Variants in NR2C2 observed in about 807,000 individuals in gnomAD.
The protein encoded by NR2C2 is Nuclear hormone receptor TR4.
In NR2C2, 6 loss-of-function variants were observed where a neutral mutation model predicts 62.9. The ratio of observed to expected loss-of-function variants is 0.10; its 90% confidence interval spans 0.05 to 0.19. The LOEUF (loss-of-function observed/expected upper bound fraction) is 0.19. NR2C2 is among the 10% of genes least tolerant of loss of function. NR2C2 has a pLI of 1.00. For synonymous variants in NR2C2, 272 were observed against 273.8 expected, an observed-to-expected ratio of 0.99 and a Z score of 0.07; for missense variants, 479 against 762.7, an observed-to-expected ratio of 0.63 and a Z score of 4.38.
At chr3:14,968,993 G>A (rs546978723) in intron 1 of NR2C2, among the ~76,000 whole-genome samples, 1 of 125,880 alleles carries the variant, frequency 7.9e-6, no homozygotes, top group Non-Finnish European at 1.7e-5. Context: ...TTGTGGGGTG[G>A]GGGGAGGGGG....
chr3:14,977,889 C>T (rs534267582), intron 1 of NR2C2, among the ~76,000 whole-genome samples: 1 of 149,482 alleles, frequency 6.7e-6, no homozygotes, highest in Non-Finnish European at 1.5e-5. Context: ...TGCTTGAACC[C>T]GGGAGGCTGA....
In NR2C2 at chr3:15,016,195, C is replaced by T. The variant is rs1041717945; in HGVS notation, c.317C>T (p.Thr106Met). The change falls in exon 4 of 14, where the codon ACG becomes ATG. Residue 106 changes from threonine (T) to methionine (M), a missense_variant. Physicochemically the swap from Thr to Met is moderately conservative, Grantham distance 81. This residue lies in a region of NR2C2 where 115 missense variants were observed against 152.3 expected (regional missense o/e 0.76). Coordinates refer to ENST00000425241, the MANE Select transcript of NR2C2 (RefSeq NM_001291694.2). ...TCTGTGGAGCGTTTACTGGGGAAGA[C>T]GGACGTCCAGCGGCCCCAGGTGGTA... is the stretch of plus-strand genomic sequence containing the variant. ...SASVERLLGK[T>M]DVQRPQVVEY... 3.0e-5 allele frequency: 49 copies of T among 1,613,936 alleles called. No individual in the cohort carries two copies. Among genetic ancestry groups the T allele is most frequent in the Non-Finnish European group, 3.6e-5 (43 of 1,179,990 alleles).
At chr3:14,977,672 A>G (rs2040244744) in intron 1 of NR2C2, among the ~76,000 whole-genome samples, 1 of 152,160 alleles carries the variant, frequency 6.6e-6, no homozygotes, top group Non-Finnish European at 1.5e-5. Context: ...GTCCATATTT[A>G]AGAGTAATGT....
intron 5 of NR2C2, 144 bp from the exon 6 acceptor site, chr3:15,023,056 C>G: frequency 1.1e-6 from 1 of 877,938 alleles, no homozygotes; most frequent in African/African-American, 1.7e-5. Flanking sequence ...TCTCTCTGGC[C>G]GAAAAGTCCA....
At chr3:14,996,582 A>G (rs913725465) in intron 1 of NR2C2, among the ~76,000 whole-genome samples, 7 of 152,156 alleles carry the variant, frequency 4.6e-5, no homozygotes, top group African/African-American at 1.7e-4. Context: ...TTATTTGTTT[A>G]TTTATTGAGA....
At chr3:14,964,893 C>T (rs1008073760) in intron 1 of NR2C2, among the ~76,000 whole-genome samples, 1 of 152,146 alleles carries the variant, frequency 6.6e-6, no homozygotes, top group African/African-American at 2.4e-5. Context: ...TGATAGGTGG[C>T]TGGATCCTGT....
At chr3:15,021,890 T>C (rs1254158978) in intron 5 of NR2C2, among the ~76,000 whole-genome samples, 2 of 152,262 alleles carry the variant, frequency 1.3e-5, no homozygotes, top group African/African-American at 2.4e-5. Context: ...ATTAGAAATA[T>C]CAACCTAATT....
rs545143806 is a variant in NR2C2 at position 14,965,522 on chromosome 3, C to CAA, written c.-40+17639_-40+17640dup. Reference sequence around the variant, plus strand: ...TTAGTACAACTGTTGTTTCCCATGGCAAAAAAAAAAAAAAAAAAAAAAAAG... The same window carrying CAA: ...TTAGTACAACTGTTGTTTCCCATGGCAAAAAAAAAAAAAAAAAAAAAAAAAAG... On this transcript the variant is annotated intron_variant, in intron 1 of 13. Transcript: ENST00000425241. 5.5e-3 allele frequency among the ~76,000 whole-genome samples: 438 copies of CAA among 79,426 alleles called. 13 individuals are homozygous for CAA. The highest frequency in any genetic ancestry group is 9.8e-3 in the Middle Eastern group (1 of 102). The allele number at this position is 79,426 out of a possible 152,430, so 52.1% of individuals were successfully genotyped here.
chr3:15,014,390 C>T (rs1343143686), intron 3 of NR2C2, among the ~76,000 whole-genome samples: 1 of 152,012 alleles, frequency 6.6e-6, no homozygotes, highest in African/African-American at 2.4e-5. Flanking sequence ...TCTCCAAACC[C>T]AACAATTAGA....
chr3:14,990,812 G>C (rs2040649552), intron 1 of NR2C2, among the ~76,000 whole-genome samples: 1 of 152,194 alleles, frequency 6.6e-6, no homozygotes, highest in South Asian at 2.1e-4. Context: ...ACAGCAGTTA[G>C]TATAATAGCA....
rs556977099 is a variant in NR2C2 at position 14,981,241 on chromosome 3, C to T, written c.-39-22635C>T. Among the ~76,000 whole-genome samples, 38 of 152,184 alleles carry T rather than the reference C, an allele frequency of 2.5e-4. 4 individuals carry two copies. Among genetic ancestry groups the T allele is most frequent in the South Asian group, 2.1e-3 (10 of 4,818 alleles). ...CAGCACTTTGGGAGGCTGAGGCAGA[C>T]GGATATCCTGAGCCCAGAAGTTCAA... On this transcript the variant is annotated intron_variant, in intron 1 of 13. Transcript: ENST00000425241.
chr3:14,994,076 T>C (rs77500034), intron 1 of NR2C2, among the ~76,000 whole-genome samples: 1,817 of 152,334 alleles, frequency 0.012, 25 homozygotes, highest in South Asian at 0.054. Flanking sequence ...CGGTAAAGCA[T>C]AGACCACTGT....
chr3:15,006,425 A>G (rs2041173218), intron 2 of NR2C2, among the ~76,000 whole-genome samples: 1 of 152,102 alleles, frequency 6.6e-6, no homozygotes, highest in South Asian at 2.1e-4. Flanking sequence ...AACTTTATAT[A>G]TATGCTATAT....
At chr3:14,974,585 T>C (rs745822389) in intron 1 of NR2C2, among the ~76,000 whole-genome samples, 4 of 151,722 alleles carry the variant, frequency 2.6e-5, no homozygotes, top group East Asian at 1.9e-4. Flanking sequence ...TAGTTTTCGG[T>C]GTATACTTAT....
chr3:15,021,329 C>A (rs1164494866), intron 5 of NR2C2, among the ~76,000 whole-genome samples: 1 of 152,222 alleles, frequency 6.6e-6, no homozygotes, highest in African/African-American at 2.4e-5. Context: ...TTATATATTG[C>A]TCCTGAGGAT....
In NR2C2 at chr3:15,043,043, C is replaced by T; in HGVS notation, c.*35C>T. The stretch of plus-strand genomic sequence containing the variant: ...CACACCTGCCAAGGAGCAACAGAAT[C>T]CTTCCAGGACCGTTCACATACAAAG... On this transcript the variant is annotated 3_prime_UTR_variant, in exon 14 of 14. Coordinates refer to ENST00000425241, the MANE Select transcript of NR2C2 (RefSeq NM_001291694.2). 6.4e-7 allele frequency: 1 copy of T among 1,572,642 alleles called. No individual in the cohort carries two copies. The highest frequency in any genetic ancestry group is 8.6e-7 in the Non-Finnish European group (1 of 1,157,162).
At chr3:15,013,817 C>T (rs1262066140) in intron 3 of NR2C2, 28 bp downstream of exon 3, 13 of 1,608,630 alleles carry the variant, frequency 8.1e-6, no homozygotes, top group Non-Finnish European at 9.4e-6. Context: ...GTATTTGTTT[C>T]AGCACTTCTG....
Position 14,994,480 on chromosome 3 carries a change from G to T in NR2C2, c.-39-9396G>T, listed in dbSNP as rs1479101930. The stretch of plus-strand genomic sequence containing the variant: ...TTTTTTTGAGGCAGAGTCTCACCCT[G>T]TCGCCAGGCTGGAGTGCAGTGGTGC... On this transcript the variant is annotated intron_variant, in intron 1 of 13. Transcript: ENST00000425241. 8.7e-5 allele frequency among the ~76,000 whole-genome samples: 10 copies of T among 114,660 alleles called. No individual in the cohort carries two copies. The East Asian group carries it at 2.5e-3, about 29-fold the overall frequency. 75.2% of individuals were successfully genotyped at this position (114,660 alleles called of 152,430 possible).
intron 2 of NR2C2, among the ~76,000 whole-genome samples, chr3:15,006,627 C>G (rs980240671): frequency 3.9e-5 from 6 of 152,132 alleles, no homozygotes; most frequent in Non-Finnish European, 8.8e-5. Flanking sequence ...CCACCTCCCT[C>G]TCTAGGTTCC....
Sources: allele counts gnomAD v4.1 joint callset (sites outside exome capture counted in the v4.1 genomes callset), GRCh38; gene constraint gnomAD v4.1.1; regional missense constraint gnomAD v4.1.1; transcripts MANE v1.5; gene names NCBI Gene and HGNC (gene_info 2026-07-23, HGNC 2026-07-21).